Variants in SSC4D observed in about 807,000 individuals in gnomAD.
SSC4D encodes scavenger receptor cysteine rich family member with 4 domains.
SSC4D carries 57 observed loss-of-function variants against 63.4 expected under a neutral mutation model. The observed-to-expected ratio is 0.90, with a 90% CI of 0.73 to 1.12. SSC4D has a LOEUF of 1.12. SSC4D is among the 50% of genes most tolerant of loss of function. SSC4D has a pLI of 0.00. For missense variants in SSC4D, 791 were observed against 806.4 expected (o/e 0.98, Z 0.23); for synonymous variants, 352 against 345.4 (o/e 1.02, Z -0.21).
chr7:76,400,697 G>C (rs994870662), intron 3 of SSC4D, 106 bp from the exon 4 acceptor site: 1 of 1,253,372 alleles, frequency 8.0e-7, no homozygotes, highest in East Asian at 2.7e-5. Context: ...TGGTAGAGAC[G>C]GGGTCTCACT....
intron 9 of SSC4D, 131 bp downstream of exon 9, chr7:76,393,274 C>T: frequency 2.1e-6 from 2 of 973,060 alleles, no homozygotes; most frequent in Non-Finnish European, 1.3e-6. Context: ...GGGGCGGCGC[C>T]CCTCTGCGGA....
At position 76,389,778 on chromosome 7, in the gene SSC4D, A is replaced by C; in HGVS notation, c.*281T>G. 2.1e-6 allele frequency: 1 copy of C among 479,144 alleles called. No homozygotes were observed. Among genetic ancestry groups the C allele is most frequent in the Non-Finnish European group, 3.8e-6 (1 of 265,602 alleles). The allele number at this position is 479,144 out of a possible 1,614,324, so 29.7% of individuals were successfully genotyped here. A position where few individuals can be genotyped will look rare whatever the true frequency, so the allele number is the denominator to read the frequency against. On this transcript the variant is annotated 3_prime_UTR_variant, in exon 11 of 11. Transcript: ENST00000275560. ...GCCCCACCAAACAGAAGAGTTAGGA[A>C]TCATCCTCTTCCCCTCGTTTTGGTT...
At position 76,393,399 on chromosome 7, in the gene SSC4D, C is replaced by G; in HGVS notation, c.1333+6G>C. The G allele has an allele frequency of 2.1e-6, 3 of 1,406,456 alleles. No homozygotes were observed. The highest frequency in any genetic ancestry group is 2.8e-6 in the Non-Finnish European group (3 of 1,080,840). 87.1% of individuals were successfully genotyped at this position (1,406,456 alleles called of 1,614,324 possible). A position where few individuals can be genotyped will look rare whatever the true frequency, so the allele number is the denominator to read the frequency against. On this transcript the variant is annotated splice_donor_region_variant and intron_variant, in intron 9 of 10. Coordinates refer to ENST00000275560, the MANE Select transcript of SSC4D (RefSeq NM_080744.2). Reference sequence around the variant, plus strand: ...CTGTCAGCCTCACCTTCGCTGTCAGCCTCACCTGCGCAGAGCGCTCCCGCG... The same window carrying G: ...CTGTCAGCCTCACCTTCGCTGTCAGGCTCACCTGCGCAGAGCGCTCCCGCG...
In SSC4D at chr7:76,389,946, G is replaced by GC. The variant is rs1804455558; in HGVS notation, c.*112dup. ...ACTGTCTAGGTAGGCTCTCTCCCAG[G>GC]CAAGGGAAGGAGGGGCAAAGTGAAC... is the stretch of plus-strand genomic sequence containing the variant. On this transcript the variant is annotated 3_prime_UTR_variant, in exon 11 of 11. Coordinates refer to ENST00000275560, the MANE Select transcript of SSC4D (RefSeq NM_080744.2). 7.1e-7 allele frequency: 1 copy of GC among 1,410,174 alleles called. No individual in the cohort carries two copies. Among genetic ancestry groups the GC allele is most frequent in the African/African-American group, 1.4e-5 (1 of 70,844 alleles). The allele number at this position is 1,410,174 out of a possible 1,614,324, so 87.4% of individuals were successfully genotyped here. A position where few individuals can be genotyped will look rare whatever the true frequency, so the allele number is the denominator to read the frequency against.
In SSC4D at chr7:76,401,060, A is replaced by T. The variant is rs959549134; in HGVS notation, c.134-17T>A. 6.5e-7 allele frequency: 1 copy of T among 1,541,484 alleles called. No individual in the cohort carries two copies. Among genetic ancestry groups the T allele is most frequent in the Non-Finnish European group, 8.8e-7 (1 of 1,141,678 alleles). On this transcript the variant is annotated splice_polypyrimidine_tract_variant and intron_variant, in intron 2 of 10. Transcript: ENST00000275560. ...GGGCGCTGGCTGAAACAGAGTGAGG[A>T]AGAGCATTGGCCCCTCTGCCCACAC...
intron 2 of SSC4D, 67 bp downstream of exon 2, chr7:76,404,238 TAA>T: frequency 6.8e-7 from 1 of 1,465,344 alleles, no homozygotes; most frequent in Non-Finnish European, 9.0e-7. Context: ...CCTCCTACTA[TAA>T]AGTTACAGCT....
intron 2 of SSC4D, among the ~76,000 whole-genome samples, chr7:76,403,853 G>A (rs917426139): frequency 2.0e-5 from 3 of 150,570 alleles, no homozygotes; most frequent in African/African-American, 4.9e-5. Flanking sequence ...GTAGGGACGC[G>A]GGTTTCACCA....
intron 2 of SSC4D, among the ~76,000 whole-genome samples, chr7:76,403,536 C>A (rs1270161876): frequency 6.6e-6 from 1 of 151,634 alleles, no homozygotes; most frequent in Non-Finnish European, 1.5e-5. Flanking sequence ...CGGGGTTTCA[C>A]CATGTTGGCC....
Position 76,404,467 on chromosome 7 carries a change from T to C in SSC4D, c.-28A>G. On this transcript the variant is annotated 5_prime_UTR_variant, in exon 2 of 11. Coordinates refer to ENST00000275560, the MANE Select transcript of SSC4D (RefSeq NM_080744.2). ...AGATGGTGAAGGGTGTTTCAGATGC[T>C]CCCATCAAGGCGCCAGGGAGAAGTC... 1.9e-6 allele frequency: 3 copies of C among 1,613,702 alleles called. No individual in the cohort carries two copies. The highest frequency in any genetic ancestry group is 2.5e-6 in the Non-Finnish European group (3 of 1,179,946).
Position 76,400,487 on chromosome 7 carries a change from C to G in SSC4D, c.274G>C (p.Ala92Pro). The G allele has an allele frequency of 6.2e-7, 1 of 1,603,974 alleles. No homozygotes were observed. The highest frequency in any genetic ancestry group is 8.5e-7 in the Non-Finnish European group (1 of 1,175,008). ...CCCAGCTGGCGACACACTACGTTGG[C>G]GTCCACCACGTCCCAGTCGTCATCA... ...VCDDDWDVVD[A>P]NVVCRQLGCG... Residue 92 changes from alanine to proline, a missense_variant, in exon 4 of 11, where the codon GCC becomes CCC. Ala to Pro is a conservative substitution (Grantham distance 27). Coordinates refer to ENST00000275560, the MANE Select transcript of SSC4D (RefSeq NM_080744.2).
intron 3 of SSC4D, among the ~76,000 whole-genome samples, 197 bp from the exon 4 acceptor site, chr7:76,400,788 G>A (rs74302353): frequency 0.18 from 27,743 of 152,202 alleles, 2,771 homozygotes; most frequent in South Asian, 0.25. Context: ...GATCACAGAC[G>A]TGCACTACGG....
chr7:76,390,160 G>A lies in SSC4D; in HGVS notation c.1627C>T (p.Arg543Cys), dbSNP rs776528204. ...AGCAGCAGAGCACTTTCTTCCCCAC[G>A]GCACTTGACATTGTCCAGGAGAATG... ...GPILLDNVKC[R>C]GEESALLLCS... is the part of the protein sequence containing the mutation. Residue 543 changes from arginine (R) to cysteine (C), a missense_variant, in exon 11 of 11, where the codon CGT (arginine) becomes TGT (cysteine). Arg to Cys is a radical substitution (Grantham distance 180). Coordinates refer to ENST00000275560, the MANE Select transcript of SSC4D (RefSeq NM_080744.2). 6.2e-6 allele frequency: 10 copies of A among 1,614,108 alleles called. No individual in the cohort carries two copies. Among genetic ancestry groups the A allele is most frequent in the South Asian group, 4.4e-5 (4 of 91,088 alleles).
chr7:76,401,374 T>G (rs1804824252), intron 2 of SSC4D, among the ~76,000 whole-genome samples: 1 of 152,054 alleles, frequency 6.6e-6, no homozygotes, highest in Non-Finnish European at 1.5e-5. Context: ...CTACAAAACC[T>G]TCTAGAATCT....
chr7:76,392,070 G>C, intron 9 of SSC4D, 29 bp from the exon 10 acceptor site: 1 of 1,554,040 alleles, frequency 6.4e-7, no homozygotes, highest in South Asian at 1.2e-5. Context: ...AGATAAAGAG[G>C]TGGCTCTCAC....
In SSC4D at chr7:76,391,961, T is replaced by A. The variant is rs961383084; in HGVS notation, c.1411+3A>T. ...CCACTTTCAGGGGATTATGGGCACCTACCGTCCCTGGGCCGAGGAGTGGGC... is the reference window on the plus strand; with the variant it reads ...CCACTTTCAGGGGATTATGGGCACCAACCGTCCCTGGGCCGAGGAGTGGGC... On this transcript the variant is annotated splice_donor_region_variant and intron_variant, in intron 10 of 10. Coordinates refer to ENST00000275560, the MANE Select transcript of SSC4D (RefSeq NM_080744.2). The A allele has an allele frequency of 3.8e-6, 6 of 1,590,214 alleles. No homozygotes were observed. In the African/African-American group the frequency reaches 6.7e-5, roughly 18 times the overall value.
intron 6 of SSC4D, 27 bp from the exon 7 acceptor site, chr7:76,395,357 T>C: frequency 6.2e-7 from 1 of 1,611,088 alleles, no homozygotes; most frequent in Non-Finnish European, 8.5e-7. Context: ...GGGGGCAGGG[T>C]CAGAGGCTGA....
Position 76,393,595 on chromosome 7 carries a change from G to C in SSC4D, c.1143C>G (p.Ala381=). ...CAGGCCCGCAGCCCGCTTCGCGGCA[G>C]GCCACGCGCGCGTCCGCAAAGTCCC... ...DDWDFADARV[A]CREAGCGPAL... is the part of the protein sequence containing the mutation. The change falls in exon 9 of 11, where the codon GCC becomes GCG. Residue 381 remains alanine, a synonymous_variant. Coordinates refer to ENST00000275560, the MANE Select transcript of SSC4D (RefSeq NM_080744.2). The C allele has an allele frequency of 6.6e-7, 1 of 1,506,364 alleles. No individual in the cohort carries two copies. Among genetic ancestry groups the C allele is most frequent in the Non-Finnish European group, 8.8e-7 (1 of 1,134,010 alleles). 93.3% of individuals were successfully genotyped at this position (1,506,364 alleles called of 1,614,324 possible).
At chr7:76,402,238 G>C (rs1162122727) in intron 2 of SSC4D, among the ~76,000 whole-genome samples, 2 of 148,128 alleles carry the variant, frequency 1.4e-5, no homozygotes, top group Non-Finnish European at 3.0e-5. Context: ...GGAGCACAGT[G>C]GCATGATCTC....
At chr7:76,398,264 C>T (rs146661729) in intron 5 of SSC4D, among the ~76,000 whole-genome samples, 1 of 151,484 alleles carries the variant, frequency 6.6e-6, no homozygotes, top group Non-Finnish European at 1.5e-5. Context: ...CTCATCTGAC[C>T]TTCCTGTGAG....
Sources: gnomAD v4.1 joint callset for allele counts (sites outside exome capture counted in the v4.1 genomes callset) on GRCh38, gnomAD v4.1.1 for gene constraint, MANE v1.5 for transcripts, NCBI Gene and HGNC (gene_info 2026-07-23, HGNC 2026-07-21) for gene names.